SCML4: variants seen among roughly 807,000 people sequenced by gnomAD.
The protein encoded by SCML4 is Scm polycomb group protein like 4, also known as sex comb on midleg-like protein 4.
A neutral mutation model predicts 41.1 loss-of-function variants in SCML4; 34 were observed. The observed-to-expected ratio is 0.83, with a 90% confidence interval of 0.63 to 1.10. The LOEUF is 1.10. Among genes scored for constraint, SCML4 ranks in the 50% least tolerant of loss-of-function variants. SCML4 has a pLI of 0.00. For synonymous variants in SCML4, 214 were observed against 220.9 expected (o/e 0.97, Z 0.28); for missense variants, 522 against 534.1 (o/e 0.98, Z 0.22).
intron 2 of SCML4, among the ~76,000 whole-genome samples, chr6:107,768,045 G>A (rs1458093628): frequency 6.7e-6 from 1 of 149,470 alleles, no homozygotes; most frequent in African/African-American, 2.5e-5. Context: ...AGGATCTCTC[G>A]AGCTCAGGCA....
chr6:107,754,682 C>A (rs1778959785), intron 2 of SCML4, among the ~76,000 whole-genome samples: 1 of 152,194 alleles, frequency 6.6e-6, no homozygotes, highest in Non-Finnish European at 1.5e-5. Context: ...GCAAATCACA[C>A]AAAGATACTT....
intron 6 of SCML4, among the ~76,000 whole-genome samples, chr6:107,715,286 T>G (rs1464937962): frequency 7.0e-6 from 1 of 143,826 alleles, no homozygotes; most frequent in East Asian, 2.0e-4. Context: ...CTACACAAAC[T>G]CTTTAATTAA....
At chr6:107,803,831 C>T (rs373982565) in intron 1 of SCML4, among the ~76,000 whole-genome samples, 21 of 150,480 alleles carry the variant, frequency 1.4e-4, no homozygotes, top group South Asian at 4.2e-4. Context: ...TGTGCTTTGT[C>T]AAACAGATGC....
intron 5 of SCML4, among the ~76,000 whole-genome samples, chr6:107,739,065 C>T (rs1343784971): frequency 6.6e-6 from 1 of 152,104 alleles, no homozygotes; most frequent in Non-Finnish European, 1.5e-5. Context: ...CTGAGAGTTC[C>T]ATCTGGTTAT....
chr6:107,833,800 G>A, the SCML4 span, among the ~76,000 whole-genome samples: 2 of 152,166 alleles, frequency 1.3e-5, no homozygotes, highest in Admixed American at 6.5e-5. Context: ...CAAGCTCACT[G>A]GCTCAGTGCA....
At chr6:107,832,717 G>C in the SCML4 span, among the ~76,000 whole-genome samples, 1 of 152,174 alleles carries the variant, frequency 6.6e-6, no homozygotes, top group South Asian at 2.1e-4. Flanking sequence ...GGTGCTAAAG[G>C]CCAAAATCAG....
chr6:107,758,944 C>T (rs1256956617), intron 2 of SCML4, among the ~76,000 whole-genome samples: 1 of 151,988 alleles, frequency 6.6e-6, no homozygotes, highest in East Asian at 1.9e-4. Context: ...GGATTTTAAG[C>T]GGGGAAACAC....
chr6:107,711,277 A>C (rs1774182216), intron 6 of SCML4, among the ~76,000 whole-genome samples: 1 of 152,198 alleles, frequency 6.6e-6, no homozygotes, highest in Non-Finnish European at 1.5e-5. Flanking sequence ...TGATCCTCTC[A>C]TGACAGGGGT....
At chr6:107,721,951 G>A (rs1775466074) in intron 5 of SCML4, among the ~76,000 whole-genome samples, 1 of 151,662 alleles carries the variant, frequency 6.6e-6, no homozygotes, top group African/African-American at 2.4e-5. Context: ...CTCATCATCA[G>A]CGCCTCTTAA....
upstream of SCML4, among the ~76,000 whole-genome samples, chr6:107,826,385 G>A (rs145010489): frequency 4.7e-3 from 711 of 152,244 alleles, 5 homozygotes; most frequent in East Asian, 0.024. Flanking sequence ...CAGCGACAGC[G>A]GTTATTATAC....
upstream of SCML4, among the ~76,000 whole-genome samples, chr6:107,828,898 A>T (rs999028595): frequency 1.9e-4 from 29 of 152,238 alleles, no homozygotes; most frequent in Admixed American, 5.2e-4. Context: ...GTTAAAGACA[A>T]AACCGTTCTG....
In SCML4 at chr6:107,720,797, G is replaced by A. The variant is rs768433594; in HGVS notation, c.879C>T (p.Ser293=). ...PAATAGGPRT[S]PMSSGGPSAP... ...CCGAGGGGCCACCAGAAGACATGGG[G>A]CTAGTGCGGGGACCACCAGCGGTGG... Residue 293 remains serine, a synonymous_variant, in exon 6 of 8, where the codon AGC becomes AGT. Coordinates refer to ENST00000369020, the MANE Select transcript of SCML4 (RefSeq NM_198081.5). The A allele has an allele frequency of 6.1e-5, 98 of 1,613,916 alleles. 2 individuals carry two copies. The South Asian group carries it at 8.3e-4, about 14-fold the overall frequency.
At chr6:107,754,402 A>T (rs1778936637) in intron 2 of SCML4, among the ~76,000 whole-genome samples, 1 of 152,216 alleles carries the variant, frequency 6.6e-6, no homozygotes, top group Admixed American at 6.5e-5. Context: ...GCCAAGTGTC[A>T]TGAGGGTGGC....
chr6:107,834,796 T>C, the SCML4 span, among the ~76,000 whole-genome samples: 1 of 151,378 alleles, frequency 6.6e-6, no homozygotes, highest in East Asian at 1.9e-4. Flanking sequence ...TATACAAAAA[T>C]TAGCCAGACA....
intron 1 of SCML4, among the ~76,000 whole-genome samples, chr6:107,802,702 T>C (rs1783279683): frequency 1.5e-5 from 2 of 136,110 alleles, no homozygotes. Flanking sequence ...CTCCTCTCCC[T>C]CTCCCTCCTC....
intron 6 of SCML4, among the ~76,000 whole-genome samples, chr6:107,714,524 T>A (rs180852472): frequency 3.3e-5 from 5 of 152,260 alleles, no homozygotes; most frequent in Non-Finnish European, 5.9e-5. Flanking sequence ...ATGAAATTAG[T>A]GTAATAATTT....
intron 6 of SCML4, among the ~76,000 whole-genome samples, chr6:107,715,780 A>G (rs1774718999): frequency 6.6e-6 from 1 of 152,192 alleles, no homozygotes; most frequent in South Asian, 2.1e-4. Context: ...CAAGTCATCA[A>G]TACCCACCCT....
chr6:107,706,076 G>C (rs1352607846), intron 7 of SCML4, among the ~76,000 whole-genome samples: 1 of 152,176 alleles, frequency 6.6e-6, no homozygotes, highest in Non-Finnish European at 1.5e-5. Flanking sequence ...GCTCAAGCAG[G>C]GAGAAAAGAC....
the SCML4 span, among the ~76,000 whole-genome samples, chr6:107,833,904 T>C: frequency 3.3e-5 from 5 of 152,252 alleles, no homozygotes; most frequent in South Asian, 1.0e-3. Flanking sequence ...ATGCTAAGAC[T>C]GGTGTGTGGG....
Sources: gnomAD v4.1 joint callset for allele counts (sites outside exome capture counted in the v4.1 genomes callset) on GRCh38, gnomAD v4.1.1 for gene constraint, MANE v1.5 for transcripts, NCBI Gene and HGNC (gene_info 2026-07-23, HGNC 2026-07-21) for gene names.